The following FBXO22 variants were observed in gnomAD, a reference collection of about 807,000 sequenced individuals.
The protein encoded by FBXO22 is F-box protein 22.
A neutral mutation model predicts 37.2 loss-of-function variants in FBXO22; 13 were observed. That is an observed-to-expected ratio of 0.35 (90% CI 0.23 to 0.56). The LOEUF is 0.56. Among genes scored for constraint, FBXO22 ranks in the 20% least tolerant of loss-of-function variants. The pLI is 0.87. For missense variants in FBXO22, 446 were observed against 509.9 expected (o/e 0.87, Z 1.21); for synonymous variants, 189 against 189.1 (o/e 1.00, Z 0.00).
In FBXO22 at chr15:75,938,295, CAATG is replaced by C. The variant is rs2030581062; in HGVS notation, c.*5196_*5199del. 6.6e-6 allele frequency: 1 copy of C among 151,910 alleles called. No homozygotes were observed. Among genetic ancestry groups the C allele is most frequent in the Non-Finnish European group, 1.5e-5 (1 of 67,950 alleles). The allele number at this position is 151,910 out of a possible 1,614,324, so 9.4% of individuals were successfully genotyped here. A position where few individuals can be genotyped will look rare whatever the true frequency, so the allele number is the denominator to read the frequency against. On this transcript the variant is annotated 3_prime_UTR_variant, in exon 7 of 7. Transcript: ENST00000308275. ...ATGACAGCTTTTAAAAATAAAAAAA[CAATG>C]AACCAGAAAACCGTGGGGAAAGGAA...
intron 2 of FBXO22, among the ~76,000 whole-genome samples, chr15:75,906,229 G>GT (rs1899926689): frequency 6.6e-6 from 1 of 151,974 alleles, no homozygotes; most frequent in South Asian, 2.1e-4. Context: ...ACCTGCCTTG[G>GT]TCCTGGAATT....
chr15:75,911,328 G>A (rs1387099064), intron 2 of FBXO22, among the ~76,000 whole-genome samples: 2 of 152,144 alleles, frequency 1.3e-5, no homozygotes, highest in African/African-American at 4.8e-5. Flanking sequence ...GATGGGGATA[G>A]CATTGAATCT....
rs1234200165 is a variant in FBXO22 at position 75,932,840 on chromosome 15, A to G, written c.950A>G (p.His317Arg). The G allele has an allele frequency of 6.8e-6, 11 of 1,614,150 alleles. No homozygotes were observed. In the African/African-American group the frequency reaches 8.0e-5, roughly 12 times the overall value. ...QRLKAANIPE[H>R]NTIGFMFACV... is the part of the protein sequence containing the mutation. Reference sequence around the variant, plus strand: ...CTCAAAGCGGCCAACATTCCAGAGCATAACACCATTGGCTTCATGTTTGCA... The same window carrying G: ...CTCAAAGCGGCCAACATTCCAGAGCGTAACACCATTGGCTTCATGTTTGCA... Residue 317 changes from histidine (H) to arginine (R), a missense_variant, in exon 7 of 7, where the codon CAT (histidine) becomes CGT (arginine). Physicochemically the swap from His to Arg is conservative, Grantham distance 29. Around this residue, in one of 2 missense-constraint regions of FBXO22, gnomAD observed 315 missense variants for 410.1 expected, o/e 0.77. Transcript: ENST00000308275.
In FBXO22 at chr15:75,938,715, A is replaced by G. The variant is rs1361590624; in HGVS notation, c.*5613A>G. 3 of 152,204 alleles carry G rather than the reference A, an allele frequency of 2.0e-5. No homozygotes were observed. Among genetic ancestry groups the G allele is most frequent in the Non-Finnish European group, 4.4e-5 (3 of 68,040 alleles). The allele number at this position is 152,204 out of a possible 1,614,324, so 9.4% of individuals were successfully genotyped here. On this transcript the variant is annotated 3_prime_UTR_variant, in exon 7 of 7. Transcript: ENST00000308275. ...AGATGGGATCACTGAAAGCAGAAAC[A>G]ACAAATCAAGCCTACATAGTTTTAA...
chr15:75,917,679 GTA>G (rs1397214898), intron 5 of FBXO22, among the ~76,000 whole-genome samples: 1 of 152,164 alleles, frequency 6.6e-6, no homozygotes, highest in Non-Finnish European at 1.5e-5. Flanking sequence ...AAACTTGTTT[GTA>G]TTTAGTTCTG....
At chr15:75,932,002 C>T (rs1032592577) in intron 6 of FBXO22, among the ~76,000 whole-genome samples, 1 of 152,088 alleles carries the variant, frequency 6.6e-6, no homozygotes, top group African/African-American at 2.4e-5. Flanking sequence ...TTGCTTGAGC[C>T]CAGGAGTTTG....
chr15:75,907,265 A>G (rs1172353655), intron 2 of FBXO22, among the ~76,000 whole-genome samples: 1 of 152,220 alleles, frequency 6.6e-6, no homozygotes, highest in East Asian at 1.9e-4. Context: ...CATAAAATAA[A>G]AAGAAAAATA....
intron 5 of FBXO22, among the ~76,000 whole-genome samples, chr15:75,926,887 C>T (rs1900455745): frequency 6.6e-6 from 1 of 152,218 alleles, no homozygotes; most frequent in Non-Finnish European, 1.5e-5. Flanking sequence ...GGGTGAATTA[C>T]TGATCTCTTG....
intron 2 of FBXO22, among the ~76,000 whole-genome samples, chr15:75,907,804 ATGT>A (rs1899962324): frequency 6.6e-6 from 1 of 152,106 alleles, no homozygotes; most frequent in African/African-American, 2.4e-5. Context: ...TTGGCTGGGC[ATGT>A]TAGTGCAAAC....
rs2030190727 is a variant in FBXO22, at chr15:75,934,432, T to G, written c.*1330T>G. On this transcript the variant is annotated 3_prime_UTR_variant, in exon 7 of 7. Coordinates refer to ENST00000308275, the MANE Select transcript of FBXO22 (RefSeq NM_147188.3). Reference sequence around the variant, plus strand: ...AGTATGATGTAACTAATGTTACTTTTGTAACAGTCAGTGGTTTGTTCTAAC... The same window carrying G: ...AGTATGATGTAACTAATGTTACTTTGGTAACAGTCAGTGGTTTGTTCTAAC... 6.6e-6 allele frequency: 1 copy of G among 152,258 alleles called. No individual in the cohort carries two copies. Among genetic ancestry groups the G allele is most frequent in the South Asian group, 2.1e-4 (1 of 4,836 alleles). The allele number at this position is 152,258 out of a possible 1,614,324, so 9.4% of individuals were successfully genotyped here. A position where few individuals can be genotyped will look rare whatever the true frequency, so the allele number is the denominator to read the frequency against.
intron 2 of FBXO22, among the ~76,000 whole-genome samples, chr15:75,906,420 C>T (rs984787235): frequency 6.6e-6 from 1 of 152,046 alleles, no homozygotes; most frequent in Admixed American, 6.5e-5. Flanking sequence ...TATACATATA[C>T]ACACATTTAC....
intron 5 of FBXO22, among the ~76,000 whole-genome samples, chr15:75,929,113 G>A (rs913929250): frequency 7.9e-5 from 12 of 152,106 alleles, no homozygotes; most frequent in African/African-American, 2.4e-4. Flanking sequence ...TTGGGAGGCT[G>A]TAGGGGAGAG....
intron 5 of FBXO22, among the ~76,000 whole-genome samples, chr15:75,925,847 G>A (rs982532495): frequency 6.6e-6 from 1 of 152,090 alleles, no homozygotes; most frequent in Non-Finnish European, 1.5e-5. Context: ...GGGCTTGGTG[G>A]ATGAAAAATT....
chr15:75,913,817 A>G (rs1488668465), intron 3 of FBXO22, among the ~76,000 whole-genome samples: 2 of 152,224 alleles, frequency 1.3e-5, no homozygotes, highest in African/African-American at 4.8e-5. Context: ...GAAAGGTACA[A>G]TAGCAAGTCT....
intron 2 of FBXO22, 21 bp from the exon 3 acceptor site, chr15:75,913,182 A>ATTTTTTTTTTTT: frequency 1.7e-6 from 2 of 1,178,226 alleles, no homozygotes; most frequent in South Asian, 1.5e-5. Context: ...TCCAATTCCA[A>ATTTTTTTTTTTT]TTTTTTTTTT....
At chr15:75,914,044 C>T in intron 3 of FBXO22, 66 bp from the exon 4 acceptor site, 3 of 1,218,046 alleles carry the variant, frequency 2.5e-6, no homozygotes, top group Admixed American at 2.0e-5. Flanking sequence ...TGCTTTTTTA[C>T]TTTTTCATTC....
At chr15:75,909,432 C>G (rs1443153718) in intron 2 of FBXO22, among the ~76,000 whole-genome samples, 1 of 152,096 alleles carries the variant, frequency 6.6e-6, no homozygotes, top group Admixed American at 6.5e-5. Context: ...TGCTGGCAAG[C>G]CTGGAAATGG....
intron 5 of FBXO22, among the ~76,000 whole-genome samples, chr15:75,928,547 G>A (rs1232036288): frequency 1.3e-5 from 2 of 152,118 alleles, no homozygotes; most frequent in Non-Finnish European, 2.9e-5. Flanking sequence ...ATACATCGAC[G>A]CAAAGAGGGG....
rs1327714731 is a variant in FBXO22, at chr15:75,938,117, CT to C, written c.*5016del. On this transcript the variant is annotated 3_prime_UTR_variant, in exon 7 of 7. Transcript: ENST00000308275. ...TATTGAAGGATTACCTGGGACAAAGCTGATTTGTAAAATCTAGGATTGCTCC... is the reference window on the plus strand; with the variant it reads ...TATTGAAGGATTACCTGGGACAAAGCGATTTGTAAAATCTAGGATTGCTCC... 6.6e-6 allele frequency: 1 copy of C among 152,162 alleles called. No individual in the cohort carries two copies. The highest frequency in any genetic ancestry group is 1.5e-5 in the Non-Finnish European group (1 of 68,034). 9.4% of individuals were successfully genotyped at this position (152,162 alleles called of 1,614,324 possible). A position where few individuals can be genotyped will look rare whatever the true frequency, so the allele number is the denominator to read the frequency against.
Sources: allele counts gnomAD v4.1 joint callset (sites outside exome capture counted in the v4.1 genomes callset), GRCh38; gene constraint gnomAD v4.1.1; regional missense constraint gnomAD v4.1.1; transcripts MANE v1.5; gene names NCBI Gene and HGNC (gene_info 2026-07-23, HGNC 2026-07-21).